Variants in NFIC observed in about 807,000 individuals in gnomAD.
NFIC encodes nuclear factor 1 C-type.
In NFIC, 12 loss-of-function variants were observed where a neutral mutation model predicts 54.4. The ratio of observed to expected loss-of-function variants is 0.22; its 90% CI spans 0.14 to 0.36. The LOEUF is 0.36. Ranked by LOEUF, NFIC falls within the 10% of genes least tolerant of loss-of-function variation. The pLI is 1.00. For missense variants in NFIC, 575 were observed against 718.2 expected (o/e 0.80, Z 2.28); for synonymous variants, 322 against 319.2 (o/e 1.01, Z -0.09).
chr19:3,379,047 CATTTTTT>C (rs2081154260), intron 1 of NFIC, among the ~76,000 whole-genome samples: 1 of 151,884 alleles, frequency 6.6e-6, no homozygotes, highest in Non-Finnish European at 1.5e-5. Context: ...CTTTCGTAGT[CATTTTTT>C]GTTTTTTTGT....
chr19:3,463,219 G>T lies in NFIC; in HGVS notation c.*450G>T. On this transcript the variant is annotated 3_prime_UTR_variant, in exon 11 of 11. Coordinates refer to ENST00000443272, the MANE Select transcript of NFIC (RefSeq NM_001245002.2). The stretch of plus-strand genomic sequence containing the variant: ...GGAGACCAGGTGAGCACAGCCTGGA[G>T]CCTGTGCCCAGGGCCGACAGGCGCG... 1 of 1,002,798 alleles carries T rather than the reference G, an allele frequency of 1.0e-6. No homozygotes were observed. Among genetic ancestry groups the T allele is most frequent in the East Asian group, 1.1e-4 (1 of 9,220 alleles). 62.1% of individuals were successfully genotyped at this position (1,002,798 alleles called of 1,614,324 possible).
chr19:3,363,234 T>TGTGTGTGTGCGCGC (rs199853260), upstream of NFIC, among the ~76,000 whole-genome samples: 6 of 62,256 alleles, frequency 9.6e-5, no homozygotes, highest in African/African-American at 4.4e-4. Context: ...TGTATGTGTA[T>TGTGTGTGTGCGCGC]GTGTGTGTAT....
chr19:3,413,035 G>A (rs1039293280), intron 2 of NFIC, among the ~76,000 whole-genome samples: 1 of 152,136 alleles, frequency 6.6e-6, no homozygotes, highest in Non-Finnish European at 1.5e-5. Flanking sequence ...TGCAATCTCC[G>A]CCTTCCAGAT....
Position 3,467,977 on chromosome 19 carries a change from A to T in NFIC, c.*5208A>T, listed in dbSNP as rs1455211880. ...TCTGCCACGTCAGACACTTCCTGAG[A>T]GTCTCACCTTCAAAATGACACCGCT... On this transcript the variant is annotated 3_prime_UTR_variant, in exon 11 of 11. Transcript: ENST00000443272. The T allele has an allele frequency of 6.6e-6, 1 of 151,120 alleles. No individual in the cohort carries two copies. The highest frequency in any genetic ancestry group is 1.5e-5 in the Non-Finnish European group (1 of 67,872). 9.4% of individuals were successfully genotyped at this position (151,120 alleles called of 1,614,324 possible).
chr19:3,425,779 C>A (rs906479723), intron 3 of NFIC, among the ~76,000 whole-genome samples: 1 of 148,266 alleles, frequency 6.7e-6, no homozygotes, highest in East Asian at 2.1e-4. Context: ...GTCTTAGAAA[C>A]GGTCTCACGC....
chr19:3,453,903 G>A lies in NFIC; in HGVS notation c.1410G>A (p.Ser470=), dbSNP rs373976044. Reference sequence around the variant, plus strand: ...CCACCTCCGAGGGAGGAGCCACGTCGCCGACCTCGCCTTGTAAGCACGCGG... The same window carrying A: ...CCACCTCCGAGGGAGGAGCCACGTCACCGACCTCGCCTTGTAAGCACGCGG... The part of the protein sequence containing the change: ...PATTSEGGAT[S]PTSPSYSPPD... Residue 470 remains serine, a synonymous_variant, in exon 9 of 11, where the codon TCG becomes TCA. Coordinates refer to ENST00000443272, the MANE Select transcript of NFIC (RefSeq NM_001245002.2). This position sits in a 1 kb window ranked among gnomAD's most constrained non-coding sequence, Gnocchi z 6.7. 3.9e-6 allele frequency: 6 copies of A among 1,542,456 alleles called. No homozygotes were observed. The Admixed American group carries it at 6.2e-5, about 16-fold the overall frequency.
At chr19:3,430,083 C>CACA (rs1568444432) in intron 3 of NFIC, among the ~76,000 whole-genome samples, 4 of 152,080 alleles carry the variant, frequency 2.6e-5, no homozygotes, top group African/African-American at 9.7e-5. Flanking sequence ...CCCCACCAGC[C>CACA]GCCTGCCTTA....
intron 2 of NFIC, among the ~76,000 whole-genome samples, chr19:3,418,099 CTTT>C (rs778206013): frequency 8.3e-5 from 11 of 132,468 alleles, no homozygotes; most frequent in Non-Finnish European, 1.6e-4. Context: ...ATTTTCTTTT[CTTT>C]TTTTTTTTTT....
intron 2 of NFIC, among the ~76,000 whole-genome samples, chr19:3,414,257 G>A (rs1477096028): frequency 6.6e-6 from 1 of 152,146 alleles, no homozygotes; most frequent in Non-Finnish European, 1.5e-5. Flanking sequence ...CAGGTCACAT[G>A]CAGTCTCTGT....
In NFIC at chr19:3,466,589, C is replaced by T. The variant is rs973981319; in HGVS notation, c.*3820C>T. ...CACCACAGCTGGCCACGACATTGCC[C>T]TTAAGTAATATGCATTGGCCAGAGA... On this transcript the variant is annotated 3_prime_UTR_variant, in exon 11 of 11. Coordinates refer to ENST00000443272, the MANE Select transcript of NFIC (RefSeq NM_001245002.2). This position sits in a 1 kb window ranked among gnomAD's most constrained non-coding sequence, Gnocchi z 4.8. The T allele has an allele frequency of 3.3e-5, 5 of 152,168 alleles. No homozygotes were observed. The highest frequency in any genetic ancestry group is 1.2e-4 in the African/African-American group (5 of 41,424). 9.4% of individuals were successfully genotyped at this position (152,168 alleles called of 1,614,324 possible). A position where few individuals can be genotyped will look rare whatever the true frequency, so the allele number is the denominator to read the frequency against.
intron 1 of NFIC, among the ~76,000 whole-genome samples, chr19:3,372,658 T>A (rs1279647463): frequency 2.7e-5 from 4 of 145,566 alleles, no homozygotes; most frequent in Non-Finnish European, 6.0e-5. Context: ...GCAGACCAGG[T>A]GTCACTGGAC....
chr19:3,360,172 G>C (rs1178174799), intron 1 of NFIC, among the ~76,000 whole-genome samples: 2 of 145,836 alleles, frequency 1.4e-5, no homozygotes, highest in African/African-American at 4.9e-5. Flanking sequence ...GGCGAGCGCG[G>C]CGCGCCAGCT....
chr19:3,453,439 G>A lies in NFIC; in HGVS notation c.1270-324G>A, dbSNP rs1394303844. Among the ~76,000 whole-genome samples, 2 of 152,162 alleles carry A rather than the reference G, an allele frequency of 1.3e-5. No individual in the cohort carries two copies. Among genetic ancestry groups the A allele is most frequent in the Admixed American group, 6.5e-5 (1 of 15,276 alleles). ...GTGCTCGCAGTGAATTAGGAAAAAC[G>A]CGGAGAACCTGCTGTTAGGAGGCGG... On this transcript the variant is annotated intron_variant, in intron 8 of 10. Transcript: ENST00000443272. This position sits in a 1 kb window ranked among gnomAD's most constrained non-coding sequence, Gnocchi z 6.7.
At chr19:3,396,361 A>G (rs1018545983) in intron 2 of NFIC, among the ~76,000 whole-genome samples, 3 of 151,114 alleles carry the variant, frequency 2.0e-5, no homozygotes, top group Non-Finnish European at 4.4e-5. Flanking sequence ...AGTCCCAGCT[A>G]CTCGGGAGGC....
chr19:3,433,153 T>G (rs1239486346), intron 3 of NFIC, among the ~76,000 whole-genome samples: 1 of 151,898 alleles, frequency 6.6e-6, no homozygotes, highest in East Asian at 1.9e-4. Flanking sequence ...TTTGTAGAGA[T>G]GGGGTCTCGC....
At chr19:3,364,814 T>A (rs4268873), upstream of NFIC, among the ~76,000 whole-genome samples, 2,691 of 152,264 alleles carry the variant, frequency 0.018, 78 homozygotes, top group African/African-American at 0.06. Context: ...TGAAGTCAAC[T>A]GCAACTTTTA....
chr19:3,386,278 C>A (rs1026466970), intron 2 of NFIC, among the ~76,000 whole-genome samples: 1 of 150,492 alleles, frequency 6.6e-6, no homozygotes, highest in African/African-American at 2.4e-5. Flanking sequence ...CCCATTCTCA[C>A]AGCTGCCCTG....
chr19:3,363,624 A>G (rs894196271), upstream of NFIC, among the ~76,000 whole-genome samples: 6 of 152,104 alleles, frequency 3.9e-5, no homozygotes, highest in African/African-American at 1.4e-4. Context: ...TATGTAAAGG[A>G]TACTATGTAT....
rs1389607899 is a variant in NFIC, at chr19:3,463,372, G to C, written c.*603G>C. On this transcript the variant is annotated 3_prime_UTR_variant, in exon 11 of 11. Coordinates refer to ENST00000443272, the MANE Select transcript of NFIC (RefSeq NM_001245002.2). ...ACACAGCGGACCCCGGCCGGGCAGC[G>C]GAGACCGCAGAGGCGGGCAGGGTGG... is the stretch of plus-strand genomic sequence containing the variant. 16 of 986,160 alleles carry C rather than the reference G, an allele frequency of 1.6e-5. No homozygotes were observed. Among genetic ancestry groups the C allele is most frequent in the Non-Finnish European group, 1.8e-5 (15 of 830,606 alleles). 61.1% of individuals were successfully genotyped at this position (986,160 alleles called of 1,614,324 possible). A position where few individuals can be genotyped will look rare whatever the true frequency, so the allele number is the denominator to read the frequency against.
Sources: allele counts gnomAD v4.1 joint callset (sites outside exome capture counted in the v4.1 genomes callset), GRCh38; gene constraint gnomAD v4.1.1; non-coding constraint Gnocchi (gnomAD v3.1); transcripts MANE v1.5; gene names NCBI Gene and HGNC (gene_info 2026-07-23, HGNC 2026-07-21).